CFAP221: variants seen among roughly 807,000 people sequenced by gnomAD.
The protein encoded by CFAP221 is cilia- and flagella-associated protein 221.
Under a neutral mutation model 113.1 loss-of-function variants are expected in CFAP221, and 97 were observed. The observed-to-expected ratio is 0.86, with a 90% confidence interval of 0.73 to 1.02. The LOEUF (loss-of-function observed/expected upper bound fraction) is 1.02, where lower values mean the gene tolerates loss of function less well. Among genes scored for constraint, CFAP221 ranks in the 50% least tolerant of loss-of-function variants. The pLI, the probability that CFAP221 is intolerant of heterozygous loss-of-function variation, is 0.00. For missense variants in CFAP221, 1,025 were observed against 1,013.4 expected, an observed-to-expected ratio of 1.01 and a Z score of -0.16; for synonymous variants, 331 against 354.4, an observed-to-expected ratio of 0.93 and a Z score of 0.74.
At chr2:119,568,588 G>A (rs1187593904) in intron 6 of CFAP221, among the ~76,000 whole-genome samples, 1 of 152,130 alleles carries the variant, frequency 6.6e-6, no homozygotes, top group Non-Finnish European at 1.5e-5. Context: ...AGAACATGCA[G>A]TGTTTGATTT....
intron 19 of CFAP221, among the ~76,000 whole-genome samples, chr2:119,635,015 A>G (rs1687027795): frequency 6.6e-6 from 1 of 152,318 alleles, no homozygotes; most frequent in African/African-American, 2.4e-5. Context: ...TCAGAACTCA[A>G]TAATAAGAAA....
intron 1 of CFAP221, 72 bp from the exon 2 acceptor site, chr2:119,546,013 A>G (rs1050031855): frequency 9.7e-6 from 11 of 1,135,482 alleles, no homozygotes; most frequent in East Asian, 7.8e-5. Flanking sequence ...GACGAGGTAC[A>G]TTTATCAAAG....
At chr2:119,589,542 CTT>C (rs1299234674) in intron 7 of CFAP221, 1 of 152,222 alleles carries the variant, frequency 6.6e-6, no homozygotes, top group Non-Finnish European at 1.5e-5. Flanking sequence ...TGTTTGGTAA[CTT>C]ATTTCTAAAA....
intron 6 of CFAP221, among the ~76,000 whole-genome samples, chr2:119,563,332 G>T (rs1574007070): frequency 1.3e-5 from 2 of 152,170 alleles, no homozygotes; most frequent in Non-Finnish European, 2.9e-5. Flanking sequence ...TACATGTTCA[G>T]TACAGAGATA....
At chr2:119,655,769 C>T (rs189436302) in intron 23 of CFAP221, among the ~76,000 whole-genome samples, 1 of 152,164 alleles carries the variant, frequency 6.6e-6, no homozygotes, top group East Asian at 1.9e-4. Flanking sequence ...TCTCTCCGCC[C>T]TTTGTCTACT....
chr2:119,617,405 G>C (rs898906229), intron 14 of CFAP221, among the ~76,000 whole-genome samples: 1 of 152,214 alleles, frequency 6.6e-6, no homozygotes, highest in African/African-American at 2.4e-5. Context: ...AGAAGAGGCA[G>C]CACAAAGCTG....
At chr2:119,646,858 C>T in intron 21 of CFAP221, 100 bp from the exon 22 acceptor site, 1 of 1,067,108 alleles carries the variant, frequency 9.4e-7, no homozygotes, top group South Asian at 1.5e-5. Flanking sequence ...TAGTAGAGGC[C>T]TCGCCAGCAG....
At chr2:119,586,780 C>A (rs889369742) in intron 6 of CFAP221, 5 of 180,018 alleles carry the variant, frequency 2.8e-5, no homozygotes, top group African/African-American at 1.2e-4. Flanking sequence ...CGAGAGGTAG[C>A]AAGGACAGTG....
At chr2:119,651,314 A>G (rs1688115280) in intron 22 of CFAP221, among the ~76,000 whole-genome samples, 2 of 152,168 alleles carry the variant, frequency 1.3e-5, no homozygotes, top group South Asian at 4.1e-4. Context: ...TAAATAAAGC[A>G]TTATTGCAAC....
In CFAP221 at chr2:119,601,341, T is replaced by A; in HGVS notation, c.755T>A (p.Val252Asp). The A allele has an allele frequency of 6.5e-7, 1 of 1,534,084 alleles. No homozygotes were observed. The highest frequency in any genetic ancestry group is 8.7e-7 in the Non-Finnish European group (1 of 1,145,648). ...TTCAACTCTCAACCATACGAATGTG[T>A]CTTCACCGGAACATGCTATCCCAAC... The part of the protein sequence containing the change: ...SQFNSQPYEC[V>D]FTGTCYPNMA... The change falls in exon 8 of 24, where the codon GTC becomes GAC. Residue 252 changes from valine (V) to aspartate (D), a missense_variant. Coordinates refer to ENST00000413369, the MANE Select transcript of CFAP221 (RefSeq NM_001271049.2).
intron 14 of CFAP221, 119 bp from the exon 15 acceptor site, chr2:119,625,464 C>T: frequency 2.4e-6 from 2 of 837,018 alleles, no homozygotes; most frequent in South Asian, 1.7e-5. Context: ...TCCCTGTGGA[C>T]TCTGACTTGC....
At position 119,587,225 on chromosome 2, in the gene CFAP221, A is replaced by C; in HGVS notation, c.631+3A>C. 1 of 1,485,694 alleles carries C rather than the reference A, an allele frequency of 6.7e-7. No homozygotes were observed. The highest frequency in any genetic ancestry group is 8.9e-7 in the Non-Finnish European group (1 of 1,118,430). The allele number at this position is 1,485,694 out of a possible 1,614,324, so 92.0% of individuals were successfully genotyped here. A position where few individuals can be genotyped will look rare whatever the true frequency, so the allele number is the denominator to read the frequency against. ...CTTTGCTATTGAGCCAACATCAGGT[A>C]AGGAGTGTCAAGATTTCAAGTTCTA... On this transcript the variant is annotated splice_donor_region_variant and intron_variant, in intron 7 of 23. Coordinates refer to ENST00000413369, the MANE Select transcript of CFAP221 (RefSeq NM_001271049.2).
Position 119,629,941 on chromosome 2 carries a change from T to C in CFAP221, c.1717T>C (p.Phe573Leu). Residue 573 changes from phenylalanine (F) to leucine (L), a missense_variant, in exon 17 of 24, where the codon TTC (phenylalanine) becomes CTC (leucine). Coordinates refer to ENST00000413369, the MANE Select transcript of CFAP221 (RefSeq NM_001271049.2). ...SEVQIKQSYS[F>L]FNLQVPQLYK... ...AGTTCAAATCAAGCAGAGTTATTCC[T>C]TCTTCAATCTGCAGGTCAGACCTGT... 6.2e-7 allele frequency: 1 copy of C among 1,611,982 alleles called. No individual in the cohort carries two copies. The highest frequency in any genetic ancestry group is 8.5e-7 in the Non-Finnish European group (1 of 1,178,068).
In CFAP221 at chr2:119,628,294, G is replaced by GTGTGTGTGTGTGTGTGT. The variant is rs371675389; in HGVS notation, c.1650+508_1650+509insTGTGTGTGTGTGTGTGT. ...CTTCTCTCTCTCTCTCTCTCTGGGG[G>GTGTGTGTGTGTGTGTGT]GTGTGTGTGTGTGTGTGTGTGTGTG... On this transcript the variant is annotated intron_variant, in intron 16 of 23. Transcript: ENST00000413369. Among the ~76,000 whole-genome samples, 519 of 137,574 alleles carry GTGTGTGTGTGTGTGTGT rather than the reference G, an allele frequency of 3.8e-3. 10 individuals are homozygous for GTGTGTGTGTGTGTGTGT. Among genetic ancestry groups the GTGTGTGTGTGTGTGTGT allele is most frequent in the East Asian group, 5.3e-3 (24 of 4,506 alleles). 90.3% of individuals were successfully genotyped at this position (137,574 alleles called of 152,430 possible). A position where few individuals can be genotyped will look rare whatever the true frequency, so the allele number is the denominator to read the frequency against.
chr2:119,565,650 G>T (rs1407116099), intron 6 of CFAP221, among the ~76,000 whole-genome samples: 1 of 152,168 alleles, frequency 6.6e-6, no homozygotes, highest in African/African-American at 2.4e-5. Context: ...ATATAATGAT[G>T]TGATATTTTT....
In CFAP221 at chr2:119,627,705, C is replaced by G. The variant is rs1442935192; in HGVS notation, c.1569C>G (p.Thr523=). 6.2e-7 allele frequency: 1 copy of G among 1,613,516 alleles called. No individual in the cohort carries two copies. Among genetic ancestry groups the G allele is most frequent in the Non-Finnish European group, 8.5e-7 (1 of 1,179,904 alleles). Residue 523 remains threonine, a synonymous_variant, in exon 16 of 24, where the codon ACC becomes ACG. Transcript: ENST00000413369. ...GGCGGATCAGTCAGGATGATTATAC[C>G]AGCCGGTTCTCTGTGTCGCCCAAGG... ...FLRRISQDDY[T]SRFSVSPKEV...
Position 119,630,594 on chromosome 2 carries a change from A to T in CFAP221, c.1756A>T (p.Arg586Ter). 6.2e-7 allele frequency: 1 copy of T among 1,613,016 alleles called. No homozygotes were observed. The highest frequency in any genetic ancestry group is 8.5e-7 in the Non-Finnish European group (1 of 1,178,952). Residue 586 changes from arginine (R) to a stop codon, truncating the protein, a stop_gained, in exon 18 of 24, where the codon AGA becomes TGA. Coordinates refer to ENST00000413369, the MANE Select transcript of CFAP221 (RefSeq NM_001271049.2). LOFTEE classifies it high-confidence loss of function. ...GGTTCCTCAACTGTACAAAATTAAG[A>T]GATATCAGCCATTCTCTGTCCACAA... ...LQVPQLYKIK[R>*]YQPFSVHKSS... is the part of the protein sequence containing the mutation.
chr2:119,601,107 C>G, intron 7 of CFAP221, 111 bp from the exon 8 acceptor site: 2 of 1,095,156 alleles, frequency 1.8e-6, no homozygotes, highest in Non-Finnish European at 2.5e-6. Flanking sequence ...GGAGTCAGTG[C>G]CCCTAATCTC....
intron 6 of CFAP221, among the ~76,000 whole-genome samples, chr2:119,584,596 AAAG>A (rs1485380965): frequency 5.3e-5 from 8 of 152,300 alleles, no homozygotes; most frequent in South Asian, 2.1e-4. Context: ...CAAAAAAAAA[AAAG>A]AAGAATTTAC....
Sources: gnomAD v4.1 joint callset for allele counts (sites outside exome capture counted in the v4.1 genomes callset) on GRCh38, gnomAD v4.1.1 for gene constraint, MANE v1.5 for transcripts, NCBI Gene and HGNC (gene_info 2026-07-23, HGNC 2026-07-21) for gene names.